Variants in EPB41 observed in about 807,000 individuals in gnomAD.
EPB41 encodes erythrocyte membrane protein band 4.1, also known as protein 4.1.
Under a neutral mutation model 108.0 loss-of-function variants are expected in EPB41, and 65 were observed. That is an observed-to-expected ratio of 0.60 (90% confidence interval 0.49 to 0.74). The LOEUF is 0.74. Among genes scored for constraint, EPB41 ranks in the 30% least tolerant of loss-of-function variants. EPB41 has a pLI of 0.00. For synonymous variants in EPB41, 336 were observed against 358.9 expected (o/e 0.94, Z 0.72); for missense variants, 875 against 1,037.0 (o/e 0.84, Z 2.15).
chr1:29,066,313 G>A (rs969920099), intron 16 of EPB41, among the ~76,000 whole-genome samples: 31 of 152,170 alleles, frequency 2.0e-4, no homozygotes, highest in African/African-American at 7.2e-4. Flanking sequence ...CAGCTACTCA[G>A]GAGGCTGAGG....
At chr1:28,999,049 A>C (rs2096243930) in intron 4 of EPB41, among the ~76,000 whole-genome samples, 1 of 152,216 alleles carries the variant, frequency 6.6e-6, no homozygotes, top group South Asian at 2.1e-4. Context: ...ACAGTGAAAA[A>C]CTTTCTACAA....
chr1:28,914,877 A>G (rs2092479554), intron 1 of EPB41, 109 bp downstream of exon 1: 1 of 150,462 alleles, frequency 6.6e-6, no homozygotes, highest in Non-Finnish European at 1.5e-5. Context: ...CTTTGTCTGC[A>G]ACCCCCGACA....
intron 11 of EPB41, among the ~76,000 whole-genome samples, chr1:29,045,164 G>A (rs914910464): frequency 1.3e-5 from 2 of 152,106 alleles, no homozygotes; most frequent in African/African-American, 4.8e-5. Flanking sequence ...TTGGGATTTA[G>A]TTGATTATAT....
Position 29,018,584 on chromosome 1 carries a change from G to T in EPB41, c.1124+142G>T. 1 of 857,146 alleles carries T rather than the reference G, an allele frequency of 1.2e-6. No individual in the cohort carries two copies. The allele number at this position is 857,146 out of a possible 1,614,324, so 53.1% of individuals were successfully genotyped here. On this transcript the variant is annotated intron_variant, in intron 7 of 20. Transcript: ENST00000343067. This position sits in a 1 kb window ranked among gnomAD's most constrained non-coding sequence, Gnocchi z 4.4. ...TCCTCCACTGTTTGACTTTGGGCAG[G>T]TTACTTAACCTCTCTTAATCTAAGC...
At chr1:29,106,718 C>CAAAA (rs1251501900) in intron 17 of EPB41, among the ~76,000 whole-genome samples, 1 of 150,724 alleles carries the variant, frequency 6.6e-6, no homozygotes, top group African/African-American at 2.4e-5. Flanking sequence ...GGACGACAGG[C>CAAAA]GTTTGCCACC....
intron 17 of EPB41, among the ~76,000 whole-genome samples, chr1:29,102,091 T>G (rs1665610786): frequency 6.6e-6 from 1 of 152,204 alleles, no homozygotes; most frequent in Non-Finnish European, 1.5e-5. Context: ...AATAGGAAAT[T>G]ACTTAAAAAT....
At chr1:29,053,005 G>T (rs1288622725) in intron 11 of EPB41, 99 bp from the exon 12 acceptor site, 4 of 1,279,468 alleles carry the variant, frequency 3.1e-6, no homozygotes, top group Admixed American at 3.9e-5. Context: ...TCTAACATTC[G>T]TGTGTATCCT....
At chr1:28,986,281 T>A (rs1045161278) in intron 1 of EPB41, among the ~76,000 whole-genome samples, 3 of 152,180 alleles carry the variant, frequency 2.0e-5, no homozygotes, top group Non-Finnish European at 4.4e-5. Flanking sequence ...TAGCAGTGAA[T>A]CAAAGCATAA....
chr1:29,048,226 T>C (rs1378903132), intron 11 of EPB41, among the ~76,000 whole-genome samples: 2 of 151,494 alleles, frequency 1.3e-5, no homozygotes, highest in African/African-American at 4.9e-5. Flanking sequence ...ATTATTTTCT[T>C]TTTTTGAGAC....
chr1:28,919,385 A>G (rs1230440642), intron 1 of EPB41, among the ~76,000 whole-genome samples: 1 of 152,036 alleles, frequency 6.6e-6, no homozygotes, highest in Non-Finnish European at 1.5e-5. Context: ...TAAACATGCA[A>G]TCTGGGTAGG....
intron 11 of EPB41, among the ~76,000 whole-genome samples, chr1:29,043,761 C>G (rs368231073): frequency 6.6e-6 from 1 of 152,118 alleles, no homozygotes; most frequent in Non-Finnish European, 1.5e-5. Flanking sequence ...TTTAAAAGAT[C>G]GCTGACAGCT....
intron 11 of EPB41, among the ~76,000 whole-genome samples, chr1:29,051,440 A>G (rs1644501002): frequency 6.6e-6 from 1 of 152,074 alleles, no homozygotes; most frequent in South Asian, 2.1e-4. Flanking sequence ...GTAGTTGGGA[A>G]TTTAAAGTTT....
chr1:29,086,569 G>A (rs1250156581), intron 16 of EPB41, among the ~76,000 whole-genome samples: 1 of 152,092 alleles, frequency 6.6e-6, no homozygotes, highest in African/African-American at 2.4e-5. Flanking sequence ...ACCGCGCCCG[G>A]CCACCTTAAG....
chr1:28,894,857 G>A lies in EPB41; in HGVS notation c.-8+7647G>A, dbSNP rs1216886096. Among the ~76,000 whole-genome samples, 4 of 152,180 alleles carry A rather than the reference G, an allele frequency of 2.6e-5. 1 individual carries two copies. The South Asian group carries it at 8.3e-4, about 32-fold the overall frequency. On this transcript the variant is annotated intron_variant, in intron 1 of 16. Transcript: ENST00000347529. ...GGCTCATTCTGGGATTCTGGGAGGG[G>A]ACTATGTGTTCCTCTTTCTGGCTTT... is the stretch of plus-strand genomic sequence containing the variant.
Position 29,027,747 on chromosome 1 carries a change from A to T in EPB41, c.1125-2653A>T, listed in dbSNP as rs189671920. 1.9e-3 allele frequency among the ~76,000 whole-genome samples: 287 copies of T among 152,324 alleles called. 1 individual carries two copies. The highest frequency in any genetic ancestry group is 6.6e-3 in the African/African-American group (273 of 41,576). ...CACTGAGCCTGGCTAAAAATTAGGT[A>T]AAAAATTTTAAATGCAAACATCAGC... On this transcript the variant is annotated intron_variant, in intron 7 of 20. Coordinates refer to ENST00000343067, the MANE Select transcript of EPB41 (RefSeq NM_001376013.1).
chr1:29,014,136 G>T (rs918847014), intron 5 of EPB41, among the ~76,000 whole-genome samples: 1 of 151,846 alleles, frequency 6.6e-6, no homozygotes, highest in Non-Finnish European at 1.5e-5. Context: ...GGCCAACATG[G>T]TGAAACCCCG....
chr1:28,953,021 G>A (rs1023364714), intron 1 of EPB41, among the ~76,000 whole-genome samples: 3 of 151,918 alleles, frequency 2.0e-5, no homozygotes, highest in Non-Finnish European at 4.4e-5. Context: ...GAGCCACTGC[G>A]CCCGGCCCAA....
intron 16 of EPB41, among the ~76,000 whole-genome samples, chr1:29,087,477 C>T (rs973099245): frequency 1.3e-5 from 2 of 152,142 alleles, no homozygotes; most frequent in Non-Finnish European, 2.9e-5. Flanking sequence ...ATTCTCCTGC[C>T]TCAGCCTCCC....
At position 29,018,563 on chromosome 1, in the gene EPB41, C is replaced by A; in HGVS notation, c.1124+121C>A. ...GTGCCATAGAAAGAGTCAGTTTCCTCCACTGTTTGACTTTGGGCAGGTTAC... is the reference window on the plus strand; with the variant it reads ...GTGCCATAGAAAGAGTCAGTTTCCTACACTGTTTGACTTTGGGCAGGTTAC... On this transcript the variant is annotated intron_variant, in intron 7 of 20. Transcript: ENST00000343067. The surrounding 1 kb of genome is among the most constrained non-coding windows in gnomAD (Gnocchi z 4.4). 1 of 1,035,490 alleles carries A rather than the reference C, an allele frequency of 9.7e-7. No homozygotes were observed. Among genetic ancestry groups the A allele is most frequent in the Non-Finnish European group, 1.5e-6 (1 of 671,030 alleles). 64.1% of individuals were successfully genotyped at this position (1,035,490 alleles called of 1,614,324 possible). A position where few individuals can be genotyped will look rare whatever the true frequency, so the allele number is the denominator to read the frequency against.
Sources: allele counts gnomAD v4.1 joint callset (sites outside exome capture counted in the v4.1 genomes callset), GRCh38; gene constraint gnomAD v4.1.1; non-coding constraint Gnocchi (gnomAD v3.1); transcripts MANE v1.5; gene names NCBI Gene and HGNC (gene_info 2026-07-23, HGNC 2026-07-21).